AHCYL2: variants seen among roughly 807,000 people sequenced by gnomAD.
AHCYL2 encodes adenosylhomocysteinase like 2, also known as S-adenosylhomocysteine hydrolase-like protein 2.
Under a neutral mutation model 81.4 loss-of-function variants are expected in AHCYL2, and 28 were observed. That is an observed-to-expected ratio of 0.34 (90% CI 0.25 to 0.47). AHCYL2 has a LOEUF of 0.47. AHCYL2 is among the 20% of genes least tolerant of loss of function. AHCYL2 has a pLI of 1.00. For missense variants in AHCYL2, 551 were observed against 785.1 expected (o/e 0.70, Z 3.56); for synonymous variants, 272 against 290.2 (o/e 0.94, Z 0.64).
intron 1 of AHCYL2, among the ~76,000 whole-genome samples, chr7:129,364,494 T>C (rs1794037777): frequency 6.6e-6 from 1 of 152,158 alleles, no homozygotes; most frequent in South Asian, 2.1e-4. Context: ...TTTCACCACA[T>C]TCACCAGGCT....
intron 11 of AHCYL2, among the ~76,000 whole-genome samples, chr7:129,412,442 G>A (rs536845112): frequency 4.0e-5 from 6 of 150,996 alleles, no homozygotes; most frequent in African/African-American, 1.5e-4. Flanking sequence ...CACCACACCC[G>A]GCTAATTTTT....
chr7:129,225,557 C>A, intron 1 of AHCYL2, 118 bp downstream of exon 1: 1 of 1,375,352 alleles, frequency 7.3e-7, no homozygotes, highest in Non-Finnish European at 9.3e-7. Context: ...ACCGGAGATA[C>A]CCCTTGTCCC....
At chr7:129,274,788 G>A (rs188021058) in intron 1 of AHCYL2, among the ~76,000 whole-genome samples, 37 of 152,266 alleles carry the variant, frequency 2.4e-4, no homozygotes, top group Non-Finnish European at 4.7e-4. Flanking sequence ...TACCAGCAAA[G>A]AGCCAGTATC....
At chr7:129,311,434 ACT>A (rs1797655242) in intron 1 of AHCYL2, among the ~76,000 whole-genome samples, 1 of 151,974 alleles carries the variant, frequency 6.6e-6, no homozygotes, top group African/African-American at 2.4e-5. Flanking sequence ...CAAGTCCCAA[ACT>A]CTCCTGAATT....
chr7:129,317,485 A>T (rs1797862475), intron 1 of AHCYL2, among the ~76,000 whole-genome samples: 1 of 152,208 alleles, frequency 6.6e-6, no homozygotes, highest in South Asian at 2.1e-4. Context: ...GACCGGGAAG[A>T]AAAGGCTGGG....
At chr7:129,312,922 T>C (rs1563192180) in intron 1 of AHCYL2, among the ~76,000 whole-genome samples, 1 of 151,926 alleles carries the variant, frequency 6.6e-6, no homozygotes, top group Non-Finnish European at 1.5e-5. Flanking sequence ...CTGTTAGGTG[T>C]AATACTATAG....
At chr7:129,394,705 A>G (rs1795642248) in intron 4 of AHCYL2, among the ~76,000 whole-genome samples, 1 of 152,092 alleles carries the variant, frequency 6.6e-6, no homozygotes, top group South Asian at 2.1e-4. Context: ...TTGGCCTCCC[A>G]GAGTGCTGGC....
intron 12 of AHCYL2, among the ~76,000 whole-genome samples, chr7:129,422,215 TC>T (rs1165862737): frequency 6.6e-6 from 1 of 152,220 alleles, no homozygotes; most frequent in Non-Finnish European, 1.5e-5. Context: ...ATTAAGCATT[TC>T]TTTAAAGGCT....
At chr7:129,359,430 G>C (rs527672938) in intron 1 of AHCYL2, among the ~76,000 whole-genome samples, 51 of 152,258 alleles carry the variant, frequency 3.3e-4, no homozygotes, top group Non-Finnish European at 6.0e-4. Context: ...GGTTGCATAG[G>C]TGTGTTAACT....
intron 1 of AHCYL2, among the ~76,000 whole-genome samples, chr7:129,333,094 G>A (rs762624745): frequency 6.6e-6 from 1 of 152,114 alleles, no homozygotes; most frequent in African/African-American, 2.4e-5. Context: ...GGAAAACTTG[G>A]AAAATGAATG....
At chr7:129,349,776 G>T (rs986608401) in intron 1 of AHCYL2, among the ~76,000 whole-genome samples, 26 of 151,848 alleles carry the variant, frequency 1.7e-4, no homozygotes, top group Non-Finnish European at 1.9e-4. Flanking sequence ...TGCCCTGGTA[G>T]TCCTGTTGAC....
Position 129,283,872 on chromosome 7 carries a change from G to A in AHCYL2, c.363+58433G>A, listed in dbSNP as rs1384177823. On this transcript the variant is annotated intron_variant, in intron 1 of 16. Transcript: ENST00000325006. ...GTTTGATTTGATCTTGTGACCTTAG[G>A]GAAGAAACCCACCCAGGAATAGAAT... Among the ~76,000 whole-genome samples, 5 of 151,908 alleles carry A rather than the reference G, an allele frequency of 3.3e-5. No homozygotes were observed. In the East Asian group the frequency reaches 9.6e-4, roughly 29 times the overall value.
In AHCYL2 at chr7:129,368,451, G is replaced by T. The variant is rs1416194474; in HGVS notation, c.364-11187G>T. On this transcript the variant is annotated intron_variant, in intron 1 of 16. Coordinates refer to ENST00000325006, the MANE Select transcript of AHCYL2 (RefSeq NM_015328.4). The surrounding 1 kb of genome is among the most constrained non-coding windows in gnomAD (Gnocchi z 4.4). ...AGATAACCCCAGTATTTCCAAACCA[G>T]CTTTCCCTTTTGCTTCAGGACATAT... 1.6e-5 allele frequency: 26 copies of T among 1,613,914 alleles called. No homozygotes were observed. Among genetic ancestry groups the T allele is most frequent in the Non-Finnish European group, 2.1e-5 (25 of 1,179,846 alleles).
At chr7:129,225,485 G>C in intron 1 of AHCYL2, 46 bp downstream of exon 1, 1 of 1,460,894 alleles carries the variant, frequency 6.8e-7, no homozygotes, top group Non-Finnish European at 9.0e-7. Flanking sequence ...GGAGGGGAGG[G>C]GAACTGCAGA....
chr7:129,416,966 AAAC>A (rs1319127980), intron 12 of AHCYL2, among the ~76,000 whole-genome samples: 1 of 151,908 alleles, frequency 6.6e-6, no homozygotes, highest in Non-Finnish European at 1.5e-5. Flanking sequence ...AAAAATAAAA[AAAC>A]AAAACAAAAT....
intron 1 of AHCYL2, among the ~76,000 whole-genome samples, chr7:129,256,808 A>G (rs986211983): frequency 6.6e-6 from 1 of 152,010 alleles, no homozygotes; most frequent in African/African-American, 2.4e-5. Context: ...TTTTAATTGT[A>G]TAAATATTGC....
Position 129,426,917 on chromosome 7 carries a change from C to A in AHCYL2, c.1830-122C>A. On this transcript the variant is annotated intron_variant, in intron 16 of 16. Transcript: ENST00000325006. This position sits in a 1 kb window ranked among gnomAD's most constrained non-coding sequence, Gnocchi z 4.3. ...ATGTGAAAAGGAAACACAGTTATTT[C>A]CTGTCACTGTACACTCCAGAAAAGT... 1.1e-6 allele frequency: 1 copy of A among 927,376 alleles called. No individual in the cohort carries two copies. The allele number at this position is 927,376 out of a possible 1,614,324, so 57.4% of individuals were successfully genotyped here.
At chr7:129,261,446 T>C (rs1795640051) in intron 1 of AHCYL2, among the ~76,000 whole-genome samples, 1 of 152,252 alleles carries the variant, frequency 6.6e-6, no homozygotes, top group Non-Finnish European at 1.5e-5. Flanking sequence ...ATTGTAAATC[T>C]ATCACTTAAC....
chr7:129,274,304 GCTGTAC>G (rs1230777163), intron 1 of AHCYL2, among the ~76,000 whole-genome samples: 1 of 152,202 alleles, frequency 6.6e-6, no homozygotes, highest in Admixed American at 6.5e-5. Context: ...TACTGCAGTA[GCTGTAC>G]CTGAGGAACT....
Sources: allele counts gnomAD v4.1 joint callset (sites outside exome capture counted in the v4.1 genomes callset), GRCh38; gene constraint gnomAD v4.1.1; non-coding constraint Gnocchi (gnomAD v3.1); transcripts MANE v1.5; gene names NCBI Gene and HGNC (gene_info 2026-07-23, HGNC 2026-07-21).